Variants in OSBP2 observed in about 807,000 individuals in gnomAD.
OSBP2 encodes the protein oxysterol-binding protein 2.
Under a neutral mutation model 96.0 loss-of-function variants are expected in OSBP2, and 66 were observed. The observed-to-expected ratio is 0.69, with a 90% CI of 0.56 to 0.84. The LOEUF (loss-of-function observed/expected upper bound fraction) is 0.84, where lower values mean the gene tolerates loss of function less well. Among genes scored for constraint, OSBP2 ranks in the 40% least tolerant of loss-of-function variants. The probability of loss-of-function intolerance (pLI) is 0.00; values close to 1 mark genes in which losing one functional copy is unlikely to be tolerated. For synonymous variants in OSBP2, 525 were observed against 520.9 expected (o/e 1.01, Z -0.11); for missense variants, 1,038 against 1,222.7 (o/e 0.85, Z 2.25).
rs1602458378 is a variant in OSBP2, at chr22:30,907,294, C to T, written c.*955C>T. 6.6e-6 allele frequency: 1 copy of T among 152,260 alleles called. No homozygotes were observed. Among genetic ancestry groups the T allele is most frequent in the African/African-American group, 2.4e-5 (1 of 41,426 alleles). The allele number at this position is 152,260 out of a possible 1,614,324, so 9.4% of individuals were successfully genotyped here. On this transcript the variant is annotated 3_prime_UTR_variant, in exon 14 of 14. Transcript: ENST00000332585. ...CTAGGGGTGCCCCATCTCAGTGTCC[C>T]CTGAACTCTTTATTTGCCTAATTTA... is the stretch of plus-strand genomic sequence containing the variant.
intron 2 of OSBP2, among the ~76,000 whole-genome samples, chr22:30,778,169 C>CTTTTTTTTTTTTTTTTTTTT (rs1569119423): frequency 2.4e-5 from 3 of 124,182 alleles, no homozygotes; most frequent in Non-Finnish European, 3.3e-5. Context: ...TAATTTTTGC[C>CTTTTTTTTTTTTTTTTTTTT]CTTTTTTTTT....
At position 30,890,862 on chromosome 22, in the gene OSBP2, C is replaced by G. The variant is rs1409204702; in HGVS notation, c.1758C>G (p.Ser586=). 3 of 1,613,842 alleles carry G rather than the reference C, an allele frequency of 1.9e-6. No individual in the cohort carries two copies. The highest frequency in any genetic ancestry group is 2.2e-5 in the East Asian group (1 of 44,886). The part of the protein sequence containing the change: ...QMCLVAAFSV[S]SYSTTVHRIA... The stretch of plus-strand genomic sequence containing the variant: ...GCCTGGTGGCCGCCTTCTCTGTGTC[C>G]TCCTACTCCACCACAGTGCACCGCA... The change falls in exon 8 of 14, where the codon TCC becomes TCG. Residue 586 remains serine (S), a synonymous_variant. Coordinates refer to ENST00000332585, the MANE Select transcript of OSBP2 (RefSeq NM_030758.4). This position sits in a 1 kb window ranked among gnomAD's most constrained non-coding sequence, Gnocchi z 4.4.
chr22:30,898,904 TAAA>T (rs1346292725), intron 12 of OSBP2, among the ~76,000 whole-genome samples: 3 of 149,962 alleles, frequency 2.0e-5, no homozygotes, highest in Admixed American at 1.3e-4. Context: ...AGAAATCAAT[TAAA>T]AAAACAAAGC....
upstream of OSBP2, chr22:30,694,215 G>C (rs1478355870): frequency 4.5e-6 from 7 of 1,549,806 alleles, no homozygotes. Flanking sequence ...TAGAGAACCC[G>C]AACGATGTCG....
At chr22:30,868,031 C>T (rs2039380943) in intron 2 of OSBP2, among the ~76,000 whole-genome samples, 1 of 152,260 alleles carries the variant, frequency 6.6e-6, no homozygotes, top group Non-Finnish European at 1.5e-5. Flanking sequence ...CCTGGCTACT[C>T]AGGAATTTCC....
intron 2 of OSBP2, among the ~76,000 whole-genome samples, chr22:30,854,683 A>G (rs2039046117): frequency 6.8e-6 from 1 of 147,184 alleles, no homozygotes; most frequent in Non-Finnish European, 1.5e-5. Context: ...TCACATATTT[A>G]TCTTTCTTCT....
intron 12 of OSBP2, chr22:30,902,392 T>C (rs959898016): frequency 2.3e-5 from 36 of 1,570,666 alleles, no homozygotes; most frequent in Admixed American, 1.5e-4. Context: ...TTAAGGAAGC[T>C]TGACATACGA....
chr22:30,854,598 C>T (rs2039043203), intron 2 of OSBP2, among the ~76,000 whole-genome samples: 1 of 149,696 alleles, frequency 6.7e-6, no homozygotes, highest in Non-Finnish European at 1.5e-5. Context: ...TGTGAGCCAA[C>T]ACACCCGCCC....
rs138004506 is a variant in OSBP2, at chr22:30,801,489, T to C, written c.853+60120T>C. 6.3e-4 allele frequency among the ~76,000 whole-genome samples: 96 copies of C among 152,338 alleles called. 2 individuals are homozygous for C. In the East Asian group the frequency reaches 0.013, roughly 21 times the overall value. On this transcript the variant is annotated intron_variant, in intron 2 of 13. Transcript: ENST00000332585. The stretch of plus-strand genomic sequence containing the variant: ...AAATGTTTTGGCTCCATGATCTTTT[T>C]GTAGCAGCCGTGGTCAGTGAATGTT...
chr22:30,851,180 G>T (rs1306224285), intron 2 of OSBP2, among the ~76,000 whole-genome samples: 1 of 151,964 alleles, frequency 6.6e-6, no homozygotes, highest in Admixed American at 6.6e-5. Context: ...TCCTGCCTCA[G>T]CCTCCTGAGT....
At chr22:30,826,029 T>C (rs2038397224) in intron 2 of OSBP2, among the ~76,000 whole-genome samples, 2 of 152,072 alleles carry the variant, frequency 1.3e-5, no homozygotes, top group Admixed American at 6.6e-5. Context: ...GTGGCAACGG[T>C]GCATCGGCCT....
rs575679864 is a variant in OSBP2 at position 30,851,384 on chromosome 22, T to C, written c.854-19045T>C. ...ATGGTATTATTTTTAAATGTCATTTTCCAGTTGTTCATTGCTAGTATTTCA... is the reference window on the plus strand; with the variant it reads ...ATGGTATTATTTTTAAATGTCATTTCCCAGTTGTTCATTGCTAGTATTTCA... On this transcript the variant is annotated intron_variant, in intron 2 of 13. Coordinates refer to ENST00000332585, the MANE Select transcript of OSBP2 (RefSeq NM_030758.4). Among the ~76,000 whole-genome samples, 428 of 152,306 alleles carry C rather than the reference T, an allele frequency of 2.8e-3. 4 individuals carry two copies. The highest frequency in any genetic ancestry group is 4.5e-3 in the Non-Finnish European group (308 of 68,014).
intron 3 of OSBP2, among the ~76,000 whole-genome samples, chr22:30,882,276 C>T (rs975378739): frequency 4.6e-5 from 7 of 152,172 alleles, no homozygotes; most frequent in Admixed American, 1.3e-4. Context: ...AGCTCCACAC[C>T]AGGAAGGCTC....
At chr22:30,746,929 G>A (rs751574108) in intron 2 of OSBP2, among the ~76,000 whole-genome samples, 8 of 152,092 alleles carry the variant, frequency 5.3e-5, no homozygotes, top group Non-Finnish European at 8.8e-5. Flanking sequence ...CAAAATACTG[G>A]CAAACAAAAT....
At chr22:30,725,789 TC>T (rs1349597240) in intron 1 of OSBP2, among the ~76,000 whole-genome samples, 1 of 147,742 alleles carries the variant, frequency 6.8e-6, no homozygotes, top group African/African-American at 2.5e-5. Context: ...GTCAAAAGAG[TC>T]TTTTTTTTTT....
At chr22:30,862,779 C>A (rs1215632046) in intron 2 of OSBP2, among the ~76,000 whole-genome samples, 1 of 151,954 alleles carries the variant, frequency 6.6e-6, no homozygotes, top group Non-Finnish European at 1.5e-5. Context: ...CCTGACCAGC[C>A]TGGCCAACAT....
chr22:30,694,392 C>T, upstream of OSBP2: 1 of 1,474,484 alleles, frequency 6.8e-7, no homozygotes, highest in Non-Finnish European at 8.9e-7. Context: ...CCTTTAGCGC[C>T]CCTGTGCTTC....
chr22:30,822,365 CGAGGCCGCGCTCCTGGGGCGGGAG>C (rs570626929), intron 2 of OSBP2, among the ~76,000 whole-genome samples: 52 of 152,346 alleles, frequency 3.4e-4, no homozygotes, highest in African/African-American at 1.2e-3. Flanking sequence ...ACGCGCGGGA[CGAGGCCGCGCTCCTGGGGCGGGAG>C]GAAGTGGTAG....
At chr22:30,783,085 T>G (rs2090541737) in intron 2 of OSBP2, among the ~76,000 whole-genome samples, 2 of 131,194 alleles carry the variant, frequency 1.5e-5, no homozygotes, top group Non-Finnish European at 3.3e-5. Context: ...TTTTTTTTTT[T>G]TCTGGAGAAA....
Sources: gnomAD v4.1 joint callset for allele counts (sites outside exome capture counted in the v4.1 genomes callset) on GRCh38, gnomAD v4.1.1 for gene constraint, Gnocchi (gnomAD v3.1) non-coding constraint, MANE v1.5 for transcripts, NCBI Gene and HGNC (gene_info 2026-07-23, HGNC 2026-07-21) for gene names.